Variants in XPOT observed in about 807,000 individuals in gnomAD.
The protein encoded by XPOT is exportin-T.
XPOT carries 34 observed loss-of-function variants against 128.2 expected under a neutral mutation model. The observed-to-expected ratio is 0.27, with a 90% CI of 0.20 to 0.35. XPOT has a LOEUF of 0.35. XPOT is among the 10% of genes least tolerant of loss of function. XPOT has a pLI of 1.00. For synonymous variants in XPOT, 348 were observed against 394.3 expected (o/e 0.88, Z 1.39); for missense variants, 838 against 1,125.3 (o/e 0.74, Z 3.65).
chr12:64,417,863 C>T (rs1319888196), intron 4 of XPOT, among the ~76,000 whole-genome samples, 183 bp from the exon 5 acceptor site: 4 of 152,198 alleles, frequency 2.6e-5, no homozygotes, highest in African/African-American at 9.6e-5. Context: ...TATTGATGCC[C>T]TACCTGCCAC....
At position 64,433,399 on chromosome 12, in the gene XPOT, A is replaced by G; in HGVS notation, c.2263-15A>G. On this transcript the variant is annotated splice_polypyrimidine_tract_variant and intron_variant, in intron 18 of 24. Coordinates refer to ENST00000332707, the MANE Select transcript of XPOT (RefSeq NM_007235.6). The stretch of plus-strand genomic sequence containing the variant: ...ATTGTTACTAATTTCTGAAGTAATG[A>G]TTGTTTATCTTCAGATACAGGTATC... The G allele has an allele frequency of 6.6e-7, 1 of 1,509,278 alleles. No homozygotes were observed. The highest frequency in any genetic ancestry group is 8.9e-7 in the Non-Finnish European group (1 of 1,124,354). 93.5% of individuals were successfully genotyped at this position (1,509,278 alleles called of 1,614,324 possible). A position where few individuals can be genotyped will look rare whatever the true frequency, so the allele number is the denominator to read the frequency against.
chr12:64,416,663 T>G (rs2040090322), intron 3 of XPOT, 35 bp from the exon 4 acceptor site: 1 of 1,567,644 alleles, frequency 6.4e-7, no homozygotes, highest in Non-Finnish European at 8.8e-7. Context: ...TCAGTTCATA[T>G]TCTGCTTATC....
rs1255133580 is a variant in XPOT at position 64,421,119 on chromosome 12, T to G, written c.844-116T>G. The G allele has an allele frequency of 6.1e-6, 5 of 822,298 alleles. No homozygotes were observed. In the African/African-American group the frequency reaches 8.5e-5, roughly 14 times the overall value. The allele number at this position is 822,298 out of a possible 1,614,324, so 50.9% of individuals were successfully genotyped here. ...GCCCAGCCTGGAATTGTTAAATATATGACGTCATTTTAAAATTGAATCCTG... is the reference window on the plus strand; with the variant it reads ...GCCCAGCCTGGAATTGTTAAATATAGGACGTCATTTTAAAATTGAATCCTG... On this transcript the variant is annotated intron_variant, in intron 8 of 24. Coordinates refer to ENST00000332707, the MANE Select transcript of XPOT (RefSeq NM_007235.6).
chr12:64,416,523 A>G (rs894655459), intron 3 of XPOT, among the ~76,000 whole-genome samples, 175 bp from the exon 4 acceptor site: 3 of 152,212 alleles, frequency 2.0e-5, no homozygotes, highest in Admixed American at 6.5e-5. Context: ...TAGAGTTCTC[A>G]TAGCTTTTTA....
At chr12:64,413,473 C>G (rs1418367741) in intron 2 of XPOT, among the ~76,000 whole-genome samples, 1 of 152,146 alleles carries the variant, frequency 6.6e-6, no homozygotes, top group Non-Finnish European at 1.5e-5. Context: ...AGGAAATTTT[C>G]CAAGAGTTTT....
chr12:64,409,734 C>CA (rs771015580), intron 1 of XPOT: 8,415 of 252,740 alleles, frequency 0.033, 2 homozygotes, highest in South Asian at 0.051. Flanking sequence ...GACTCCGTCT[C>CA]AAAAAAAAAA....
In XPOT at chr12:64,409,687, A is replaced by C. The variant is rs982995762; in HGVS notation, c.-74-275A>C. The stretch of plus-strand genomic sequence containing the variant: ...GACACGGAGCTTGCAGTGAGCTGAT[A>C]CGGTGCCACTGCACTCCAGCCTGGG... On this transcript the variant is annotated intron_variant, in intron 1 of 24. Transcript: ENST00000332707. The C allele has an allele frequency of 1.5e-4, 30 of 200,924 alleles. No individual in the cohort carries two copies. In the South Asian group the frequency reaches 1.8e-3, roughly 12 times the overall value. 12.4% of individuals were successfully genotyped at this position (200,924 alleles called of 1,614,324 possible).
chr12:64,420,585 G>A, intron 8 of XPOT, 64 bp downstream of exon 8: 1 of 1,245,722 alleles, frequency 8.0e-7, no homozygotes, highest in Non-Finnish European at 1.1e-6. Context: ...TAGGTACTAA[G>A]TTAAATATAA....
chr12:64,419,404 G>C (rs1165854048), intron 6 of XPOT, among the ~76,000 whole-genome samples: 2 of 152,026 alleles, frequency 1.3e-5, no homozygotes, highest in Non-Finnish European at 2.9e-5. Context: ...TGCAACCTCC[G>C]CCTCCTGGGT....
At position 64,419,062 on chromosome 12, in the gene XPOT, T is replaced by C. The variant is rs752198351; in HGVS notation, c.457T>C (p.Leu153=). The change falls in exon 6 of 25, where the codon TTG becomes CTG. Residue 153 remains leucine, a synonymous_variant. Transcript: ENST00000332707. ...AATCCTCATGGCTATTGATTCAGAG[T>C]TGGTGGATCGTGATGTGGTGCATAC... ...LRILMAIDSE[L]VDRDVVHTSE... 6.2e-7 allele frequency: 1 copy of C among 1,614,016 alleles called. No individual in the cohort carries two copies. The highest frequency in any genetic ancestry group is 1.1e-5 in the South Asian group (1 of 91,074).
intron 21 of XPOT, 43 bp from the exon 22 acceptor site, chr12:64,435,584 C>A: frequency 6.5e-7 from 1 of 1,540,050 alleles, no homozygotes; most frequent in Non-Finnish European, 8.8e-7. Flanking sequence ...GATCACTAAA[C>A]AAGAATTGAA....
At chr12:64,445,644 T>C (rs1592343247) in intron 24 of XPOT, among the ~76,000 whole-genome samples, 2 of 152,198 alleles carry the variant, frequency 1.3e-5, no homozygotes, top group African/African-American at 4.8e-5. Context: ...GAGATGAAAC[T>C]GTCTTGGTCT....
intron 17 of XPOT, among the ~76,000 whole-genome samples, chr12:64,430,971 G>A (rs1306572399): frequency 6.6e-6 from 1 of 151,924 alleles, no homozygotes; most frequent in Non-Finnish European, 1.5e-5. Context: ...GGGAGACACA[G>A]TCTTGCTTTG....
chr12:64,405,685 C>A (rs1246178690), intron 1 of XPOT, among the ~76,000 whole-genome samples: 1 of 152,190 alleles, frequency 6.6e-6, no homozygotes, highest in East Asian at 1.9e-4. Flanking sequence ...GTGGTGCCAT[C>A]TCGGCTCACT....
intron 2 of XPOT, among the ~76,000 whole-genome samples, chr12:64,413,172 T>G (rs1476353018): frequency 6.6e-6 from 1 of 152,204 alleles, no homozygotes; most frequent in African/African-American, 2.4e-5. Flanking sequence ...GTTACCTCAT[T>G]AACATAAACT....
intron 9 of XPOT, among the ~76,000 whole-genome samples, chr12:64,422,667 G>C (rs2040149591): frequency 6.6e-6 from 1 of 152,174 alleles, no homozygotes; most frequent in African/African-American, 2.4e-5. Context: ...GTAAGGCTGA[G>C]GCGGGAGGAT....
intron 3 of XPOT, 59 bp downstream of exon 3, chr12:64,415,048 G>T: frequency 9.9e-7 from 1 of 1,007,912 alleles, no homozygotes; most frequent in South Asian, 1.4e-5. Context: ...ACAGGACTGT[G>T]AAATTTACCT....
chr12:64,439,351 A>G (rs746307042), intron 23 of XPOT, 36 bp downstream of exon 23: 1 of 1,568,852 alleles, frequency 6.4e-7, no homozygotes, highest in South Asian at 1.1e-5. Context: ...TAGGCGAGAG[A>G]TCACAGTAGT....
At chr12:64,434,933 T>A in intron 21 of XPOT, 24 bp downstream of exon 21, 1 of 1,580,628 alleles carries the variant, frequency 6.3e-7, no homozygotes, top group African/African-American at 1.3e-5. Flanking sequence ...AATCTTTGTT[T>A]ACCTTGTGTA....
Sources: gnomAD v4.1 joint callset for allele counts (sites outside exome capture counted in the v4.1 genomes callset) on GRCh38, gnomAD v4.1.1 for gene constraint, MANE v1.5 for transcripts, NCBI Gene and HGNC (gene_info 2026-07-23, HGNC 2026-07-21) for gene names.